The following MYZAP variants were observed in gnomAD, a reference collection of about 807,000 sequenced individuals.
MYZAP encodes the protein GRINL1A complex locus upstream.
Under a neutral mutation model 69.4 loss-of-function variants are expected in MYZAP, and 66 were observed. The observed-to-expected ratio is 0.95, with a 90% confidence interval of 0.78 to 1.17. The LOEUF (loss-of-function observed/expected upper bound fraction) is 1.17, where lower values mean the gene tolerates loss of function less well. Ranked by LOEUF, MYZAP falls within the 50% of genes most tolerant of loss-of-function variation. MYZAP has a pLI of 0.00. For missense variants in MYZAP, 611 were observed against 556.2 expected, an observed-to-expected ratio of 1.10 and a Z score of -0.99; for synonymous variants, 256 against 205.9, an observed-to-expected ratio of 1.24 and a Z score of -2.09.
At chr15:57,600,695 C>A (rs1410224800) in intron 1 of MYZAP, among the ~76,000 whole-genome samples, 3 of 152,204 alleles carry the variant, frequency 2.0e-5, no homozygotes, top group Non-Finnish European at 4.4e-5. Flanking sequence ...GATTCATTGA[C>A]CAAATTGTTA....
chr15:57,613,754 C>G (rs2934432), intron 2 of MYZAP, among the ~76,000 whole-genome samples: 95 of 152,266 alleles, frequency 6.2e-4, no homozygotes, highest in Non-Finnish European at 1.2e-3. Context: ...CATTGATCCT[C>G]TCTCCAGCAC....
At chr15:57,652,513 G>A (rs2037778938) in intron 10 of MYZAP, among the ~76,000 whole-genome samples, 1 of 152,150 alleles carries the variant, frequency 6.6e-6, no homozygotes, top group Non-Finnish European at 1.5e-5. Context: ...ATAGAATTAA[G>A]GAATGCTATG....
chr15:57,672,387 A>G (rs1225049141), intron 11 of MYZAP, among the ~76,000 whole-genome samples: 1 of 152,200 alleles, frequency 6.6e-6, no homozygotes, highest in Non-Finnish European at 1.5e-5. Context: ...ACATGCTTCA[A>G]GTTTCACCTC....
intron 10 of MYZAP, among the ~76,000 whole-genome samples, chr15:57,653,216 A>G (rs1475431893): frequency 6.6e-6 from 1 of 152,194 alleles, no homozygotes; most frequent in Non-Finnish European, 1.5e-5. Flanking sequence ...TGAAATGAAA[A>G]TGAAATGAAA....
At chr15:57,628,254 C>T (rs369854584) in intron 5 of MYZAP, among the ~76,000 whole-genome samples, 1 of 152,198 alleles carries the variant, frequency 6.6e-6, no homozygotes, top group East Asian at 1.9e-4. Flanking sequence ...AATAGCACCA[C>T]CATTTTTTTC....
chr15:57,599,487 C>G, intron 1 of MYZAP: 1 of 1,191,962 alleles, frequency 8.4e-7, no homozygotes, highest in Admixed American at 3.2e-5. Flanking sequence ...GGAACCCTTG[C>G]CCCCAGGGAC....
At chr15:57,610,538 G>A (rs887356400) in intron 2 of MYZAP, among the ~76,000 whole-genome samples, 7 of 152,198 alleles carry the variant, frequency 4.6e-5, no homozygotes, top group African/African-American at 1.7e-4. Context: ...TAGAGTTTGA[G>A]TCCCGGCTTC....
chr15:57,661,384 T>C (rs2038295603), intron 10 of MYZAP, 66 bp from the exon 11 acceptor site: 2 of 1,210,462 alleles, frequency 1.7e-6, no homozygotes, highest in African/African-American at 3.1e-5. Context: ...TCTATTCCAG[T>C]TGATAAACCT....
chr15:57,598,988 GTTC>G (rs1414459137), intron 1 of MYZAP, among the ~76,000 whole-genome samples: 1 of 152,158 alleles, frequency 6.6e-6, no homozygotes, highest in Non-Finnish European at 1.5e-5. Context: ...TAAGATTAGT[GTTC>G]TTCTTCCTAT....
chr15:57,651,900 T>G lies in MYZAP; in HGVS notation c.1120-9550T>G, dbSNP rs368156725. 5.3e-5 allele frequency among the ~76,000 whole-genome samples: 8 copies of G among 152,316 alleles called. No individual in the cohort carries two copies. In the South Asian group the frequency reaches 8.3e-4, roughly 16 times the overall value. On this transcript the variant is annotated intron_variant, in intron 10 of 12. Coordinates refer to ENST00000267853, the MANE Select transcript of MYZAP (RefSeq NM_001018100.5). ...CGGGGGAGCCAGAGTGCTCCTCCTC[T>G]CCTTCTGGAGAAGTTGGGTTATCTT...
At chr15:57,630,463 A>C (rs1300330752) in intron 6 of MYZAP, among the ~76,000 whole-genome samples, 3 of 152,210 alleles carry the variant, frequency 2.0e-5, no homozygotes, top group Non-Finnish European at 4.4e-5. Context: ...TTGAGGTCCC[A>C]AGGCCTTTCT....
rs2039641911 is a variant in MYZAP at position 57,685,348 on chromosome 15, A to G, written c.*850A>G. ...GTCACATGTGTTTAATAAATACCAT[A>G]TATTTTGTTCTACTAATGTTGTCTC... On this transcript the variant is annotated 3_prime_UTR_variant, in exon 13 of 13. Transcript: ENST00000267853. 1.3e-5 allele frequency: 2 copies of G among 152,194 alleles called. No individual in the cohort carries two copies. The highest frequency in any genetic ancestry group is 2.4e-5 in the African/African-American group (1 of 41,432). 9.4% of individuals were successfully genotyped at this position (152,194 alleles called of 1,614,324 possible).
At chr15:57,605,056 G>A (rs1276565953) in intron 2 of MYZAP, among the ~76,000 whole-genome samples, 2 of 152,180 alleles carry the variant, frequency 1.3e-5, no homozygotes, top group African/African-American at 4.8e-5. Context: ...GAAGGATAAA[G>A]AGGAGGTCCT....
chr15:57,663,579 G>T (rs978671995), intron 11 of MYZAP, among the ~76,000 whole-genome samples: 1 of 152,144 alleles, frequency 6.6e-6, no homozygotes, highest in Non-Finnish European at 1.5e-5. Context: ...TTACTGAAAG[G>T]CCAGAAAGCT....
intron 5 of MYZAP, 67 bp downstream of exon 5, chr15:57,625,959 C>G: frequency 2.8e-6 from 4 of 1,410,452 alleles, no homozygotes; most frequent in Non-Finnish European, 4.0e-6. Flanking sequence ...TGTGCCTTTG[C>G]AGAAAAATAA....
intron 6 of MYZAP, 149 bp from the exon 7 acceptor site, chr15:57,632,285 C>G: frequency 7.6e-7 from 1 of 1,321,478 alleles, no homozygotes; most frequent in Non-Finnish European, 1.0e-6. Context: ...TCCTCCCTTT[C>G]CCTGTTAGGT....
chr15:57,652,482 C>T (rs576568999), intron 10 of MYZAP, among the ~76,000 whole-genome samples: 4 of 152,162 alleles, frequency 2.6e-5, no homozygotes, highest in East Asian at 3.9e-4. Flanking sequence ...TATGAAATTA[C>T]GATGTTACAG....
At chr15:57,673,764 C>A (rs2038988858) in intron 11 of MYZAP, among the ~76,000 whole-genome samples, 1 of 152,144 alleles carries the variant, frequency 6.6e-6, no homozygotes, top group Non-Finnish European at 1.5e-5. Flanking sequence ...GAATGTTTAA[C>A]CCACATCCTT....
At chr15:57,627,784 C>G (rs1567214803) in intron 5 of MYZAP, among the ~76,000 whole-genome samples, 2 of 152,202 alleles carry the variant, frequency 1.3e-5, no homozygotes, top group Non-Finnish European at 1.5e-5. Context: ...TAGAAAAATC[C>G]TGGTCTCTTG....
Sources: gnomAD v4.1 joint callset for allele counts (sites outside exome capture counted in the v4.1 genomes callset) on GRCh38, gnomAD v4.1.1 for gene constraint, MANE v1.5 for transcripts, NCBI Gene and HGNC (gene_info 2026-07-23, HGNC 2026-07-21) for gene names.